KCNH1: variants seen among roughly 807,000 people sequenced by gnomAD.
KCNH1 encodes voltage-gated delayed rectifier potassium channel KCNH1.
Under a neutral mutation model 69.2 loss-of-function variants are expected in KCNH1, and 27 were observed. The observed-to-expected ratio is 0.39, with a 90% CI of 0.29 to 0.54. The LOEUF (loss-of-function observed/expected upper bound fraction) is 0.54. Among genes scored for constraint, KCNH1 ranks in the 20% least tolerant of loss-of-function variants. The pLI is 0.68. For synonymous variants in KCNH1, 456 were observed against 487.7 expected, an observed-to-expected ratio of 0.93 and a Z score of 0.86; for missense variants, 798 against 1,261.6, an observed-to-expected ratio of 0.63 and a Z score of 5.57.
intron 10 of KCNH1, among the ~76,000 whole-genome samples, chr1:210,684,986 G>A (rs1276658375): frequency 1.3e-5 from 2 of 152,148 alleles, no homozygotes; most frequent in African/African-American, 2.4e-5. Context: ...GCCTAGAAGG[G>A]ACTTGTACCC....
At chr1:210,874,844 A>G (rs1305585494) in intron 7 of KCNH1, among the ~76,000 whole-genome samples, 1 of 152,224 alleles carries the variant, frequency 6.6e-6, no homozygotes, top group Non-Finnish European at 1.5e-5. Flanking sequence ...CCCCTAACAT[A>G]TACACATAAC....
chr1:211,078,917 CAAAAAA>C (rs769981174), intron 5 of KCNH1, among the ~76,000 whole-genome samples: 24 of 83,058 alleles, frequency 2.9e-4, no homozygotes, highest in African/African-American at 1.2e-3. Flanking sequence ...GACTCCGTCT[CAAAAAA>C]AAAAAAAAAA....
rs1196415451 is a variant in KCNH1 at position 211,002,363 on chromosome 1, C to CAT, written c.1032+16418_1032+16419dup. Reference sequence around the variant, plus strand: ...GTATATATATATATATACACACACACATATATATATACACCATCCTAGGGC... The same window carrying CAT: ...GTATATATATATATATACACACACACATATATATATATACACCATCCTAGGGC... On this transcript the variant is annotated intron_variant, in intron 6 of 10. Coordinates refer to ENST00000271751, the MANE Select transcript of KCNH1 (RefSeq NM_172362.3). Among the ~76,000 whole-genome samples the CAT allele has an allele frequency of 5.7e-3, 821 of 144,484 alleles. 12 individuals carry two copies. The highest frequency in any genetic ancestry group is 0.019 in the African/African-American group (758 of 39,158). 94.8% of individuals were successfully genotyped at this position (144,484 alleles called of 152,430 possible).
intron 6 of KCNH1, among the ~76,000 whole-genome samples, chr1:210,986,078 C>T (rs1434165077): frequency 6.6e-6 from 1 of 152,070 alleles, no homozygotes; most frequent in Non-Finnish European, 1.5e-5. Flanking sequence ...GGTTTAAAGT[C>T]TGTTTTATCA....
chr1:210,707,138 C>A (rs1478887552), intron 10 of KCNH1, among the ~76,000 whole-genome samples: 4 of 152,122 alleles, frequency 2.6e-5, no homozygotes, highest in African/African-American at 9.7e-5. Context: ...ATATATTGTT[C>A]CTTGACCAAT....
At chr1:210,729,832 T>C (rs1260080493) in intron 10 of KCNH1, among the ~76,000 whole-genome samples, 1 of 152,212 alleles carries the variant, frequency 6.6e-6, no homozygotes, top group East Asian at 1.9e-4. Flanking sequence ...AAATTTTAAG[T>C]GCAGGGTTTA....
intron 7 of KCNH1, among the ~76,000 whole-genome samples, chr1:210,895,321 T>G (rs752377935): frequency 6.6e-6 from 1 of 152,166 alleles, no homozygotes; most frequent in Non-Finnish European, 1.5e-5. Flanking sequence ...TTTTCACATC[T>G]TCACACATGT....
chr1:211,065,732 T>C (rs2102453244), intron 5 of KCNH1, among the ~76,000 whole-genome samples: 1 of 152,312 alleles, frequency 6.6e-6, no homozygotes, highest in East Asian at 1.9e-4. Context: ...CAACATGTTA[T>C]ACATAATAAA....
chr1:210,897,049 A>G (rs988209095), intron 7 of KCNH1, among the ~76,000 whole-genome samples: 5 of 152,184 alleles, frequency 3.3e-5, no homozygotes, highest in Non-Finnish European at 7.3e-5. Context: ...GGAGCACTCC[A>G]TGGCCCAGGG....
chr1:211,004,516 A>G (rs1399160151), intron 6 of KCNH1, among the ~76,000 whole-genome samples: 1 of 152,186 alleles, frequency 6.6e-6, no homozygotes, highest in Non-Finnish European at 1.5e-5. Context: ...GTGTAGTAAA[A>G]TAATATAGAA....
chr1:211,024,808 GA>G (rs950390969), intron 5 of KCNH1, among the ~76,000 whole-genome samples: 81 of 145,816 alleles, frequency 5.6e-4, no homozygotes, highest in Admixed American at 4.7e-3. Context: ...AGAAAGAAAA[GA>G]AAAAAAAAAC....
At chr1:211,008,411 T>C (rs762645350) in intron 6 of KCNH1, among the ~76,000 whole-genome samples, 1 of 152,234 alleles carries the variant, frequency 6.6e-6, no homozygotes, top group Non-Finnish European at 1.5e-5. Context: ...AAAATGTTTA[T>C]TTTATTAAAC....
At chr1:210,889,005 T>C (rs1230150084) in intron 7 of KCNH1, among the ~76,000 whole-genome samples, 1 of 152,158 alleles carries the variant, frequency 6.6e-6, no homozygotes, top group East Asian at 1.9e-4. Flanking sequence ...TTCCTTCTGA[T>C]ACTATTCCAA....
At chr1:210,686,299 T>C (rs1681406177) in intron 10 of KCNH1, among the ~76,000 whole-genome samples, 1 of 152,194 alleles carries the variant, frequency 6.6e-6, no homozygotes, top group Non-Finnish European at 1.5e-5. Context: ...GGGAATGGCC[T>C]CTGCTCTCCA....
chr1:211,057,480 A>T (rs531863064), intron 5 of KCNH1, among the ~76,000 whole-genome samples: 96 of 151,982 alleles, frequency 6.3e-4, no homozygotes, highest in African/African-American at 1.9e-3. Flanking sequence ...ACAAAAAAAA[A>T]TTTTTTTAAT....
intron 1 of KCNH1, among the ~76,000 whole-genome samples, chr1:211,115,098 C>G (rs12759449): frequency 0.011 from 1,744 of 152,248 alleles, 17 homozygotes; most frequent in Non-Finnish European, 0.017. Context: ...AAGCAATTCT[C>G]CTGCCTCAGC....
intron 6 of KCNH1, among the ~76,000 whole-genome samples, chr1:210,958,392 G>A (rs894415922): frequency 2.6e-5 from 4 of 152,198 alleles, no homozygotes; most frequent in East Asian, 1.9e-4. Flanking sequence ...GTGACTTGGG[G>A]TTGCTCTTCT....
intron 6 of KCNH1, among the ~76,000 whole-genome samples, chr1:211,016,266 G>T (rs899757106): frequency 6.6e-6 from 1 of 152,078 alleles, no homozygotes; most frequent in Admixed American, 6.5e-5. Context: ...AGTTGGTTTG[G>T]AACTCTTTCC....
chr1:211,122,948 A>G (rs1170932433), intron 1 of KCNH1, among the ~76,000 whole-genome samples: 2 of 151,658 alleles, frequency 1.3e-5, no homozygotes, highest in South Asian at 2.1e-4. Flanking sequence ...TTTTTTTTAG[A>G]AGAAATAAAG....
Sources: allele counts gnomAD v4.1 joint callset (sites outside exome capture counted in the v4.1 genomes callset), GRCh38; gene constraint gnomAD v4.1.1; transcripts MANE v1.5; gene names NCBI Gene and HGNC (gene_info 2026-07-23, HGNC 2026-07-21).